The following CACNA1D variants were observed in gnomAD, a reference collection of about 807,000 sequenced individuals.
The protein encoded by CACNA1D is calcium voltage-gated channel subunit alpha1 D.
A neutral mutation model predicts 257.1 loss-of-function variants in CACNA1D; 55 were observed. That is an observed-to-expected ratio of 0.21 (90% CI 0.17 to 0.27). CACNA1D has a LOEUF of 0.27. CACNA1D is among the 10% of genes least tolerant of loss of function. The pLI is 1.00. For synonymous variants in CACNA1D, 980 were observed against 1,014.9 expected (o/e 0.97, Z 0.65); for missense variants, 1,876 against 2,784.0 (o/e 0.67, Z 7.34).
chr3:53,734,951 C>T (rs933100554), intron 19 of CACNA1D, among the ~76,000 whole-genome samples: 4 of 152,196 alleles, frequency 2.6e-5, no homozygotes, highest in Non-Finnish European at 1.5e-5. Context: ...CCTCAGTTTC[C>T]TCTCTCAGTC....
chr3:53,761,062 C>T (rs930475823), intron 29 of CACNA1D, among the ~76,000 whole-genome samples: 6 of 152,146 alleles, frequency 3.9e-5, no homozygotes, highest in African/African-American at 9.7e-5. Flanking sequence ...TTTATCTGAC[C>T]TTGAAGAAGG....
At chr3:53,731,638 C>G (rs2094993810) in intron 17 of CACNA1D, among the ~76,000 whole-genome samples, 1 of 152,190 alleles carries the variant, frequency 6.6e-6, no homozygotes, top group Non-Finnish European at 1.5e-5. Flanking sequence ...TATCATGTAT[C>G]AGACACTGAG....
chr3:53,783,713 A>G (rs1032994346), intron 39 of CACNA1D, among the ~76,000 whole-genome samples: 1 of 152,254 alleles, frequency 6.6e-6, no homozygotes, highest in African/African-American at 2.4e-5. Flanking sequence ...GTTGCCGGAC[A>G]GGGCTTGGTT....
chr3:53,498,351 C>T (rs926114207), intron 2 of CACNA1D, among the ~76,000 whole-genome samples: 6 of 152,178 alleles, frequency 3.9e-5, no homozygotes, highest in East Asian at 3.8e-4. Context: ...TCTTGGAAAA[C>T]GATTGTGCTT....
At chr3:53,736,764 G>A (rs1362392356) in intron 20 of CACNA1D, among the ~76,000 whole-genome samples, 1 of 151,986 alleles carries the variant, frequency 6.6e-6, no homozygotes, top group Non-Finnish European at 1.5e-5. Flanking sequence ...ATTGGCACAT[G>A]CCTGTCCCAG....
At chr3:53,694,201 A>T (rs1576373835) in intron 8 of CACNA1D, among the ~76,000 whole-genome samples, 1 of 152,148 alleles carries the variant, frequency 6.6e-6, no homozygotes, top group African/African-American at 2.4e-5. Flanking sequence ...TCTGCAGAAC[A>T]TGAGGCGTGT....
intron 3 of CACNA1D, among the ~76,000 whole-genome samples, chr3:53,575,212 GT>G (rs1241661968): frequency 1.3e-5 from 2 of 152,220 alleles, no homozygotes; most frequent in Non-Finnish European, 2.9e-5. Flanking sequence ...TACCCGATCT[GT>G]GCACAGGAAG....
intron 39 of CACNA1D, chr3:53,785,692 G>C (rs998469464): frequency 6.6e-6 from 1 of 152,276 alleles, no homozygotes; most frequent in African/African-American, 2.4e-5. Flanking sequence ...GTGGCTGAGT[G>C]CTTTACCTGC....
intron 8 of CACNA1D, among the ~76,000 whole-genome samples, chr3:53,681,476 G>T (rs2094429492): frequency 6.6e-6 from 1 of 152,072 alleles, no homozygotes. Flanking sequence ...TTCATTTAAT[G>T]AATTTTTTTT....
intron 3 of CACNA1D, chr3:53,530,265 G>A (rs560760160): frequency 1.9e-4 from 29 of 152,280 alleles, no homozygotes; most frequent in African/African-American, 7.0e-4. Flanking sequence ...CCATAGTGAT[G>A]GTGCATCCAG....
chr3:53,531,703 TCTC>T lies in CACNA1D; in HGVS notation c.483+29986_483+29988del, dbSNP rs571426342. On this transcript the variant is annotated intron_variant, in intron 3 of 47. Transcript: ENST00000350061. ...CTCTGTTTGAATTTCTGAATTACCTTCTCCTTTTGGTTTCTGTATCTCAACTTT... is the reference window on the plus strand; with the variant it reads ...CTCTGTTTGAATTTCTGAATTACCTTCTTTTGGTTTCTGTATCTCAACTTT... 6.1e-3 allele frequency among the ~76,000 whole-genome samples: 931 copies of T among 152,292 alleles called. 4 individuals carry two copies. The highest frequency in any genetic ancestry group is 0.021 in the African/African-American group (870 of 41,558).
At chr3:53,769,380 G>A (rs903891575) in intron 30 of CACNA1D, among the ~76,000 whole-genome samples, 7 of 152,196 alleles carry the variant, frequency 4.6e-5, no homozygotes, top group Non-Finnish European at 1.0e-4. Flanking sequence ...GGCAGGCAGC[G>A]AGGGTTTCTG....
At chr3:53,508,664 C>CTT (rs58346385) in intron 3 of CACNA1D, among the ~76,000 whole-genome samples, 3 of 151,390 alleles carry the variant, frequency 2.0e-5, no homozygotes, top group African/African-American at 7.3e-5. Context: ...GGGTAGTTTT[C>CTT]TTTTTTTTTA....
chr3:53,797,905 G>A (rs1011530417), intron 40 of CACNA1D: 3 of 152,202 alleles, frequency 2.0e-5, no homozygotes, highest in African/African-American at 7.2e-5. Flanking sequence ...ACTTGGGGGT[G>A]TTGACTTAAG....
chr3:53,665,346 G>A (rs2094251102), intron 5 of CACNA1D, among the ~76,000 whole-genome samples: 1 of 152,126 alleles, frequency 6.6e-6, no homozygotes, highest in African/African-American at 2.4e-5. Context: ...ATTTCCACAT[G>A]GTAGATGTTT....
At chr3:53,764,528 A>G (rs1483593766) in intron 30 of CACNA1D, among the ~76,000 whole-genome samples, 2 of 152,222 alleles carry the variant, frequency 1.3e-5, no homozygotes, top group African/African-American at 4.8e-5. Context: ...GATGTGGCCA[A>G]GGTCTGTCCA....
In CACNA1D at chr3:53,749,486, G is replaced by GT. The variant is rs759992407; in HGVS notation, c.3516+21dup. On this transcript the variant is annotated intron_variant, in intron 27 of 47. Coordinates refer to ENST00000350061, the MANE Select transcript of CACNA1D (RefSeq NM_001128840.3). Reference sequence around the variant, plus strand: ...AAAAATCAGGTTAAAGTCACACACTGTTTTGGCTTCTGTCCCTTGGTCAGG... The same window carrying GT: ...AAAAATCAGGTTAAAGTCACACACTGTTTTTGGCTTCTGTCCCTTGGTCAGG... 6.3e-7 allele frequency: 1 copy of GT among 1,585,872 alleles called. No homozygotes were observed. The highest frequency in any genetic ancestry group is 1.1e-5 in the South Asian group (1 of 90,478).
chr3:53,752,758 A>G (rs771845544), intron 28 of CACNA1D, among the ~76,000 whole-genome samples: 8 of 152,202 alleles, frequency 5.3e-5, no homozygotes, highest in Non-Finnish European at 1.2e-4. Context: ...AAAACAAAAC[A>G]TAAGTCACAC....
At chr3:53,527,197 C>T (rs902336187) in intron 3 of CACNA1D, among the ~76,000 whole-genome samples, 4 of 152,236 alleles carry the variant, frequency 2.6e-5, no homozygotes, top group Admixed American at 2.6e-4. Flanking sequence ...AAATGACTTA[C>T]CCAAGGGCAT....
Sources: gnomAD v4.1 joint callset for allele counts (sites outside exome capture counted in the v4.1 genomes callset) on GRCh38, gnomAD v4.1.1 for gene constraint, MANE v1.5 for transcripts, NCBI Gene and HGNC (gene_info 2026-07-23, HGNC 2026-07-21) for gene names.